The following DNAH8 variants were observed in gnomAD, a reference collection of about 807,000 sequenced individuals.
DNAH8 encodes dynein axonemal heavy chain 8.
A neutral mutation model predicts 562.1 loss-of-function variants in DNAH8; 382 were observed. That is an observed-to-expected ratio of 0.68 (90% confidence interval 0.63 to 0.74). The LOEUF (loss-of-function observed/expected upper bound fraction) is 0.74. Ranked by LOEUF, DNAH8 falls within the 30% of genes least tolerant of loss-of-function variation. The pLI is 0.00. For synonymous variants in DNAH8, 1,881 were observed against 1,919.4 expected (o/e 0.98, Z 0.52); for missense variants, 5,203 against 5,620.4 (o/e 0.93, Z 2.37).
rs1363255994 is a variant in DNAH8, at chr6:38,929,572, G to A, written c.11180G>A (p.Arg3727Gln). 7.4e-6 allele frequency: 12 copies of A among 1,612,116 alleles called. 1 individual carries two copies. Among genetic ancestry groups the A allele is most frequent in the East Asian group, 4.5e-5 (2 of 44,812 alleles). The change falls in exon 75 of 93, where the codon CGA becomes CAA. Residue 3727 changes from arginine to glutamine, a missense_variant. Coordinates refer to ENST00000327475, the MANE Select transcript of DNAH8 (RefSeq NM_001206927.2). ...THLEDSLSLG[R>Q]PLLIEDIHEE... ...TTGGAGGACAGCCTTTCCTTGGGCC[G>A]ACCCCTTCTCATTGAGGACATTCAT...
chr6:38,734,652 A>C, intron 5 of DNAH8, 27 bp downstream of exon 5: 1 of 1,601,616 alleles, frequency 6.2e-7, no homozygotes, highest in Non-Finnish European at 8.5e-7. Flanking sequence ...CCCCAAATAC[A>C]TAGTTAAACA....
intron 17 of DNAH8, among the ~76,000 whole-genome samples, chr6:38,783,809 T>C (rs1768880761): frequency 6.6e-6 from 1 of 152,212 alleles, no homozygotes; most frequent in Non-Finnish European, 1.5e-5. Flanking sequence ...TTAGTTATAA[T>C]CTCAACCCTA....
chr6:38,957,539 C>T (rs918143520), intron 82 of DNAH8, among the ~76,000 whole-genome samples: 5 of 151,028 alleles, frequency 3.3e-5, no homozygotes, highest in African/African-American at 1.2e-4. Flanking sequence ...TGTTTTTAAA[C>T]AGCACATGGA....
In DNAH8 at chr6:38,945,510, T is replaced by C; in HGVS notation, c.12051T>C (p.Tyr4017=). 6.2e-7 allele frequency: 1 copy of C among 1,614,146 alleles called. No homozygotes were observed. The highest frequency in any genetic ancestry group is 1.1e-5 in the South Asian group (1 of 91,076). ...LDLKACPPKP[Y]RWILDMTWLN... is the part of the protein sequence containing the mutation. ...TGAAAGCCTGTCCTCCCAAACCCTA[T>C]CGCTGGATCCTTGACATGACTTGGC... The change falls in exon 80 of 93, where the codon TAT becomes TAC. Residue 4017 remains tyrosine (Y), a synonymous_variant. Transcript: ENST00000327475.
Position 38,815,536 on chromosome 6 carries a change from C to A in DNAH8, c.3402C>A (p.Val1134=). ...INRMIQLTLE[V]SRGVAHWGQQ... is the part of the protein sequence containing the mutation. ...GTATGATCCAGTTAACCCTGGAGGT[C>A]AGCAGAGGAGTGGCTCACTGGGGGC... is the stretch of plus-strand genomic sequence containing the variant. Residue 1134 remains valine (V), a synonymous_variant, in exon 26 of 93, where the codon GTC becomes GTA. Coordinates refer to ENST00000327475, the MANE Select transcript of DNAH8 (RefSeq NM_001206927.2). The A allele has an allele frequency of 6.2e-7, 1 of 1,614,006 alleles. No homozygotes were observed. The highest frequency in any genetic ancestry group is 1.1e-5 in the South Asian group (1 of 91,076).
chr6:38,780,419 G>A lies in DNAH8; in HGVS notation c.2139+354G>A, dbSNP rs142927540. On this transcript the variant is annotated intron_variant, in intron 15 of 92. Coordinates refer to ENST00000327475, the MANE Select transcript of DNAH8 (RefSeq NM_001206927.2). Reference sequence around the variant, plus strand: ...GTTCATTGCAGCACTATTCACAATAGCAGAGATATGGAATCAACCCAAATG... The same window carrying A: ...GTTCATTGCAGCACTATTCACAATAACAGAGATATGGAATCAACCCAAATG... Among the ~76,000 whole-genome samples the A allele has an allele frequency of 6.0e-3, 909 of 152,232 alleles. 7 individuals carry two copies. The highest frequency in any genetic ancestry group is 0.018 in the South Asian group (89 of 4,828).
At chr6:38,723,675 G>A (rs949841299) in intron 3 of DNAH8, among the ~76,000 whole-genome samples, 1 of 152,036 alleles carries the variant, frequency 6.6e-6, no homozygotes, top group Admixed American at 6.6e-5. Context: ...AGGAGTTTGA[G>A]ACTAGCTTGG....
At chr6:38,939,760 A>G (rs778732107) in intron 79 of DNAH8, among the ~76,000 whole-genome samples, 3 of 152,210 alleles carry the variant, frequency 2.0e-5, no homozygotes, top group South Asian at 2.1e-4. Flanking sequence ...AAATGTTTCA[A>G]TCTTTTTCTT....
At chr6:39,002,108 T>A (rs1765529713) in intron 88 of DNAH8, among the ~76,000 whole-genome samples, 1 of 152,106 alleles carries the variant, frequency 6.6e-6, no homozygotes, top group Non-Finnish European at 1.5e-5. Flanking sequence ...TTGGATTTGT[T>A]TGGTACAGGA....
At chr6:38,738,159 AT>A (rs1428876954) in intron 7 of DNAH8, among the ~76,000 whole-genome samples, 187 bp downstream of exon 7, 14 of 152,186 alleles carry the variant, frequency 9.2e-5, no homozygotes, top group African/African-American at 3.4e-4. Context: ...TTTGAAATCA[AT>A]TTTAAGATAT....
intron 90 of DNAH8, 29 bp from the exon 91 acceptor site, chr6:39,012,419 T>C: frequency 6.2e-7 from 1 of 1,608,998 alleles, no homozygotes; most frequent in Non-Finnish European, 8.5e-7. Flanking sequence ...ATGTTTCTTA[T>C]TCATGTGTTT....
intron 62 of DNAH8, among the ~76,000 whole-genome samples, chr6:38,900,742 G>A (rs1780019254): frequency 6.6e-6 from 1 of 151,898 alleles, no homozygotes; most frequent in South Asian, 2.1e-4. Flanking sequence ...CTCAGCTCAC[G>A]AGTAGCTGGG....
rs942924853 is a variant in DNAH8 at position 39,019,983 on chromosome 6, A to G, written c.13715-6563A>G. Among the ~76,000 whole-genome samples, 3 of 152,138 alleles carry G rather than the reference A, an allele frequency of 2.0e-5. 1 individual carries two copies. Among genetic ancestry groups the G allele is most frequent in the Non-Finnish European group, 4.4e-5 (3 of 68,016 alleles). ...AACATTCTGTGAAAAGGTGGAAAAT[A>G]TGAGAGTTTGTCAACAGAGGGAACA... On this transcript the variant is annotated intron_variant, in intron 91 of 92. Transcript: ENST00000327475.
In DNAH8 at chr6:38,791,630, G is replaced by C. The variant is rs1161461204; in HGVS notation, c.2857G>C (p.Glu953Gln). The C allele has an allele frequency of 6.2e-7, 1 of 1,614,004 alleles. No homozygotes were observed. Among genetic ancestry groups the C allele is most frequent in the Non-Finnish European group, 8.5e-7 (1 of 1,179,934 alleles). Residue 953 changes from glutamate to glutamine, a missense_variant, in exon 21 of 93, where the codon GAA (glutamate) becomes CAA (glutamine). By Grantham distance (29) the Glu-to-Gln change is conservative. This residue lies in a region of DNAH8 where 2,176 missense variants were observed against 2,365.1 expected (regional missense o/e 0.92). Coordinates refer to ENST00000327475, the MANE Select transcript of DNAH8 (RefSeq NM_001206927.2). ...IAKTVLISLP[E>Q]SGATKVEDML... ...CAAAACTGTGTTGATTTCTCTGCCT[G>C]AAAGTGGTGCTACCAAAGTAGAAGA...
chr6:38,795,222 A>G lies in DNAH8; in HGVS notation c.2901+3548A>G, dbSNP rs140756589. 3.4e-3 allele frequency among the ~76,000 whole-genome samples: 521 copies of G among 152,270 alleles called. 3 individuals are homozygous for G. The highest frequency in any genetic ancestry group is 0.012 in the African/African-American group (494 of 41,540). On this transcript the variant is annotated intron_variant, in intron 21 of 92. Transcript: ENST00000327475. Reference sequence around the variant, plus strand: ...AATGATCTATTTCCAAAACTTTTTCATCATCTCAAACTAAAACTCTCTACC... The same window carrying G: ...AATGATCTATTTCCAAAACTTTTTCGTCATCTCAAACTAAAACTCTCTACC...
At chr6:38,950,212 G>GTGTT (rs1405646820) in intron 81 of DNAH8, among the ~76,000 whole-genome samples, 3 of 151,402 alleles carry the variant, frequency 2.0e-5, no homozygotes, top group African/African-American at 7.3e-5. Flanking sequence ...GTGTGTGTGT[G>GTGTT]TGTGTGTGTT....
At chr6:38,730,619 T>G (rs1388128224) in intron 4 of DNAH8, among the ~76,000 whole-genome samples, 2 of 152,212 alleles carry the variant, frequency 1.3e-5, no homozygotes, top group African/African-American at 4.8e-5. Flanking sequence ...TGAAAACCAG[T>G]ATCTCTGTAA....
chr6:38,962,049 C>T (rs1762636149), intron 82 of DNAH8, among the ~76,000 whole-genome samples: 1 of 151,654 alleles, frequency 6.6e-6, no homozygotes, highest in South Asian at 2.1e-4. Flanking sequence ...TGTAAAACTC[C>T]TCTTCATTAT....
chr6:38,720,188 T>C (rs71571345), intron 1 of DNAH8, among the ~76,000 whole-genome samples: 10,854 of 152,212 alleles, frequency 0.071, 478 homozygotes, highest in Middle Eastern at 0.14. Context: ...CTGGGTTTCA[T>C]GGCAGGAGAC....
Sources: allele counts gnomAD v4.1 joint callset (sites outside exome capture counted in the v4.1 genomes callset), GRCh38; gene constraint gnomAD v4.1.1; regional missense constraint gnomAD v4.1.1; transcripts MANE v1.5; gene names NCBI Gene and HGNC (gene_info 2026-07-23, HGNC 2026-07-21).